The following PNPLA2 variants were observed in gnomAD, a reference collection of about 807,000 sequenced individuals.
PNPLA2 encodes the protein patatin like domain 2, triacylglycerol lipase.
In PNPLA2, 28 loss-of-function variants were observed where a neutral mutation model predicts 39.7. That is an observed-to-expected ratio of 0.70 (90% CI 0.52 to 0.97). PNPLA2 has a LOEUF of 0.97. PNPLA2 is among the 50% of genes least tolerant of loss of function. The pLI is 0.00. For missense variants in PNPLA2, 768 were observed against 698.2 expected (o/e 1.10, Z -1.13); for synonymous variants, 392 against 321.1 (o/e 1.22, Z -2.36).
Position 822,386 on chromosome 11 carries a change from TC to T in PNPLA2, c.487-8del. On this transcript the variant is annotated splice_polypyrimidine_tract_variant and intron_variant, in intron 4 of 9. Coordinates refer to ENST00000336615, the MANE Select transcript of PNPLA2 (RefSeq NM_020376.4). ...CCTCACATACGGTCCTGTCTGTGTG[TC>T]CCGTGGAAGCGCTACGTGGATGGTG... 1 of 1,612,014 alleles carries T rather than the reference TC, an allele frequency of 6.2e-7. No individual in the cohort carries two copies.
At position 819,521 on chromosome 11, in the gene PNPLA2, C is replaced by A. The variant is rs954798589; in HGVS notation, c.-145-53C>A. 2.4e-6 allele frequency: 3 copies of A among 1,261,446 alleles called. No individual in the cohort carries two copies. In the African/African-American group the frequency reaches 4.7e-5, roughly 20 times the overall value. The allele number at this position is 1,261,446 out of a possible 1,614,324, so 78.1% of individuals were successfully genotyped here. On this transcript the variant is annotated intron_variant, in intron 1 of 9. Coordinates refer to ENST00000336615, the MANE Select transcript of PNPLA2 (RefSeq NM_020376.4). ...GATTGGTCTTCGTGTGCCGGCCCCGCCCCCGCCGTGAGTCCCACACTTAAA... is the reference window on the plus strand; with the variant it reads ...GATTGGTCTTCGTGTGCCGGCCCCGACCCCGCCGTGAGTCCCACACTTAAA...
chr11:824,753 C>CGAG lies in PNPLA2; in HGVS notation c.1406_1407insGAG (p.Pro469_Ala470insSer), dbSNP rs1565091776. 1 of 1,564,634 alleles carries CGAG rather than the reference C, an allele frequency of 6.4e-7. No individual in the cohort carries two copies. Among genetic ancestry groups the CGAG allele is most frequent in the East Asian group, 2.3e-5 (1 of 42,824 alleles). On this transcript the variant is annotated inframe_insertion, in exon 10 of 10. Transcript: ENST00000336615. Reference sequence around the variant, plus strand: ...ATGCGCGCACCCGCCGACCCGGCTCCCGCCCCCGCGGACCCAGCATCCCCG... The same window carrying CGAG: ...ATGCGCGCACCCGCCGACCCGGCTCCGAGCGCCCCCGCGGACCCAGCATCCCCG...
chr11:823,641 G>A, intron 6 of PNPLA2, 53 bp from the exon 7 acceptor site: 1 of 1,600,640 alleles, frequency 6.2e-7, no homozygotes, highest in African/African-American at 1.3e-5. Flanking sequence ...GCTACCCCCT[G>A]CGGGCCGCGG....
In PNPLA2 at chr11:824,408, A is replaced by C; in HGVS notation, c.1147A>C (p.Arg383=). 6.4e-7 allele frequency: 1 copy of C among 1,554,794 alleles called. No homozygotes were observed. Among genetic ancestry groups the C allele is most frequent in the South Asian group, 1.2e-5 (1 of 84,374 alleles). Residue 383 remains arginine, a synonymous_variant, in exon 9 of 10, where the codon AGG becomes CGG. Transcript: ENST00000336615. ...CCAGTACCTGGTGATGCGCGCCAAG[A>C]GGAAGCTGGGCAGGCACCTGCCCTC... is the stretch of plus-strand genomic sequence containing the variant. ...ICQYLVMRAK[R]KLGRHLPSRL... is the part of the protein sequence containing the mutation.
At position 825,086 on chromosome 11, in the gene PNPLA2, A is replaced by T. The variant is rs1845846269; in HGVS notation, c.*224A>T. On this transcript the variant is annotated 3_prime_UTR_variant, in exon 10 of 10. Coordinates refer to ENST00000336615, the MANE Select transcript of PNPLA2 (RefSeq NM_020376.4). Reference sequence around the variant, plus strand: ...CTTCCCTCCCCTGTGCTGCCCGAGCACCTCCCCCGCCCCTTTACTCCTGAG... The same window carrying T: ...CTTCCCTCCCCTGTGCTGCCCGAGCTCCTCCCCCGCCCCTTTACTCCTGAG... 5.2e-6 allele frequency: 3 copies of T among 572,404 alleles called. No homozygotes were observed. The highest frequency in any genetic ancestry group is 3.2e-5 in the Admixed American group (1 of 31,390). The allele number at this position is 572,404 out of a possible 1,614,324, so 35.5% of individuals were successfully genotyped here. A position where few individuals can be genotyped will look rare whatever the true frequency, so the allele number is the denominator to read the frequency against.
rs528189854 is a variant in PNPLA2, at chr11:819,602, G to C, written c.-117G>C. On this transcript the variant is annotated 5_prime_UTR_variant, in exon 2 of 10. Coordinates refer to ENST00000336615, the MANE Select transcript of PNPLA2 (RefSeq NM_020376.4). ...CTTCGCCTCCGCCAGCGGGGACCCC[G>C]AGCTAGAGCCGCAGCGGGACCTGCC... 3.1e-5 allele frequency: 40 copies of C among 1,285,806 alleles called. No individual in the cohort carries two copies. Among genetic ancestry groups the C allele is most frequent in the Non-Finnish European group, 3.9e-5 (39 of 1,004,162 alleles). 79.6% of individuals were successfully genotyped at this position (1,285,806 alleles called of 1,614,324 possible). A position where few individuals can be genotyped will look rare whatever the true frequency, so the allele number is the denominator to read the frequency against.
rs1200522708 is a variant in PNPLA2, at chr11:823,840, G to A, written c.904G>A (p.Ala302Thr). ...GEDHILEHLP[A>T]RLNEALLEAC... ...AGATCACATCCTGGAGCACCTGCCCGCCCGGCTCAATGAGGGTGCGCACCT... is the reference window on the plus strand; with the variant it reads ...AGATCACATCCTGGAGCACCTGCCCACCCGGCTCAATGAGGGTGCGCACCT... The change falls in exon 7 of 10, where the codon GCC becomes ACC. Residue 302 changes from alanine to threonine, a missense_variant. Coordinates refer to ENST00000336615, the MANE Select transcript of PNPLA2 (RefSeq NM_020376.4). 3.1e-6 allele frequency: 5 copies of A among 1,588,402 alleles called. No individual in the cohort carries two copies. Among genetic ancestry groups the A allele is most frequent in the East Asian group, 4.6e-5 (2 of 43,652 alleles).
rs758705623 is a variant in PNPLA2, at chr11:823,599, C to CG, written c.757+15dup. 1.6e-5 allele frequency: 23 copies of CG among 1,439,186 alleles called. No individual in the cohort carries two copies. Among genetic ancestry groups the CG allele is most frequent in the South Asian group, 2.3e-5 (2 of 86,646 alleles). 89.2% of individuals were successfully genotyped at this position (1,439,186 alleles called of 1,614,324 possible). A position where few individuals can be genotyped will look rare whatever the true frequency, so the allele number is the denominator to read the frequency against. ...TCTGCAGCGGAACGGTGCGCGGACC[C>CG]GGGCGGGAGAGGGCGGGGTGGGCTC... On this transcript the variant is annotated intron_variant, in intron 6 of 9. Transcript: ENST00000336615.
At position 823,787 on chromosome 11, in the gene PNPLA2, C is replaced by G. The variant is rs369213107; in HGVS notation, c.851C>G (p.Ala284Gly). ...GACCAGGCAGTGGAGAGCGCCCAAG[C>G]GGAGGATTACTCGCAGCTGCCCGGA... ...DKDQAVESAQ[A>G]EDYSQLPGED... Residue 284 changes from alanine to glycine, a missense_variant, in exon 7 of 10, where the codon GCG becomes GGG. Ala to Gly is a moderately conservative substitution (Grantham distance 60). Transcript: ENST00000336615. 2.6e-5 allele frequency: 41 copies of G among 1,607,488 alleles called. No individual in the cohort carries two copies. Among genetic ancestry groups the G allele is most frequent in the African/African-American group, 5.3e-5 (4 of 74,798 alleles).
chr11:824,883 A>G lies in PNPLA2; in HGVS notation c.*21A>G, dbSNP rs1160997280. ...TGTGAGACCCCGACCCTCTCGAGGA[A>G]CCCTGCCTGAGACGCCTCCATTACC... On this transcript the variant is annotated 3_prime_UTR_variant, in exon 10 of 10. Coordinates refer to ENST00000336615, the MANE Select transcript of PNPLA2 (RefSeq NM_020376.4). 2.6e-5 allele frequency: 39 copies of G among 1,515,620 alleles called. No individual in the cohort carries two copies. The East Asian group carries it at 9.3e-4, about 36-fold the overall frequency. 93.9% of individuals were successfully genotyped at this position (1,515,620 alleles called of 1,614,324 possible).
At chr11:823,465 A>G in intron 5 of PNPLA2, 62 bp from the exon 6 acceptor site, 1 of 1,491,862 alleles carries the variant, frequency 6.7e-7, no homozygotes, top group African/African-American at 1.4e-5. Flanking sequence ...GGTGCCAGGG[A>G]TTCCAGGGGC....
chr11:819,652 C>A lies in PNPLA2; in HGVS notation c.-67C>A. 7.1e-7 allele frequency: 1 copy of A among 1,399,700 alleles called. No individual in the cohort carries two copies. Among genetic ancestry groups the A allele is most frequent in the African/African-American group, 1.5e-5 (1 of 66,384 alleles). 86.7% of individuals were successfully genotyped at this position (1,399,700 alleles called of 1,614,324 possible). On this transcript the variant is annotated 5_prime_UTR_variant, in exon 2 of 10. Coordinates refer to ENST00000336615, the MANE Select transcript of PNPLA2 (RefSeq NM_020376.4). Reference sequence around the variant, plus strand: ...CCGGCCCCCGGCTCCAGCGAGCGAGCGGCGAGCAGGCGGCTCACAGAGGCC... The same window carrying A: ...CCGGCCCCCGGCTCCAGCGAGCGAGAGGCGAGCAGGCGGCTCACAGAGGCC...
intron 6 of PNPLA2, 39 bp from the exon 7 acceptor site, chr11:823,655 C>CGCTGATGA: frequency 6.2e-7 from 1 of 1,601,804 alleles, no homozygotes; most frequent in South Asian, 1.1e-5. Context: ...GCCGCGGCCG[C>CGCTGATGA]GCTGATGAAC....
At position 824,702 on chromosome 11, in the gene PNPLA2, T is replaced by C. The variant is rs1165582658; in HGVS notation, c.1355T>C (p.Val452Ala). The change falls in exon 10 of 10, where the codon GTG (valine) becomes GCG (alanine). Residue 452 changes from valine (V) to alanine (A), a missense_variant. By Grantham distance (64) the Val-to-Ala change is moderately conservative. Transcript: ENST00000336615. ...CTGCTCGGCCTCTTCTGCACCAACG[T>C]GGCCTTCCCGCCCGAAGCTCTGCGC... ...QLLLGLFCTN[V>A]AFPPEALRMR... 6.3e-7 allele frequency: 1 copy of C among 1,593,416 alleles called. No homozygotes were observed. Among genetic ancestry groups the C allele is most frequent in the Admixed American group, 1.7e-5 (1 of 59,272 alleles).
Position 824,706 on chromosome 11 carries a change from C to T in PNPLA2, c.1359C>T (p.Ala453=), listed in dbSNP as rs1845824125. ...TCGGCCTCTTCTGCACCAACGTGGC[C>T]TTCCCGCCCGAAGCTCTGCGCATGC... ...LLLGLFCTNV[A]FPPEALRMRA... The change falls in exon 10 of 10, where the codon GCC becomes GCT. Residue 453 remains alanine, a synonymous_variant. Coordinates refer to ENST00000336615, the MANE Select transcript of PNPLA2 (RefSeq NM_020376.4). The T allele has an allele frequency of 2.5e-6, 4 of 1,592,270 alleles. No homozygotes were observed. Among genetic ancestry groups the T allele is most frequent in the Non-Finnish European group, 3.4e-6 (4 of 1,176,516 alleles).
chr11:825,169 A>C lies in PNPLA2; in HGVS notation c.*307A>C, dbSNP rs1845849902. 3 of 521,686 alleles carry C rather than the reference A, an allele frequency of 5.8e-6. No individual in the cohort carries two copies. The highest frequency in any genetic ancestry group is 1.0e-5 in the Non-Finnish European group (3 of 293,312). The allele number at this position is 521,686 out of a possible 1,614,324, so 32.3% of individuals were successfully genotyped here. On this transcript the variant is annotated 3_prime_UTR_variant, in exon 10 of 10. Coordinates refer to ENST00000336615, the MANE Select transcript of PNPLA2 (RefSeq NM_020376.4). ...CATGGCCTGCTGAAATATGTGTGTG[A>C]AGAATTATTTATTTTCGCCAAAGCA...
rs372473171 is a variant in PNPLA2 at position 820,654 on chromosome 11, G to A, written c.187+749G>A. On this transcript the variant is annotated intron_variant, in intron 2 of 9. Coordinates refer to ENST00000336615, the MANE Select transcript of PNPLA2 (RefSeq NM_020376.4). ...GCCTGTGAGGACACCCAAGATGACA[G>A]GGGCACTCTGCTCAGCAGGAGCCTG... is the stretch of plus-strand genomic sequence containing the variant. 2.6e-5 allele frequency among the ~76,000 whole-genome samples: 4 copies of A among 152,310 alleles called. No homozygotes were observed. The East Asian group carries it at 5.8e-4, about 22-fold the overall frequency.
chr11:823,820 A>C lies in PNPLA2; in HGVS notation c.884A>C (p.His295Pro). 6.3e-7 allele frequency: 1 copy of C among 1,599,052 alleles called. No homozygotes were observed. Among genetic ancestry groups the C allele is most frequent in the Non-Finnish European group, 8.5e-7 (1 of 1,173,770 alleles). The change falls in exon 7 of 10, where the codon CAC becomes CCC. Residue 295 changes from histidine to proline, a missense_variant. Coordinates refer to ENST00000336615, the MANE Select transcript of PNPLA2 (RefSeq NM_020376.4). ...TACTCGCAGCTGCCCGGAGAAGATC[A>C]CATCCTGGAGCACCTGCCCGCCCGG... ...EDYSQLPGED[H>P]ILEHLPARLN...
Position 823,998 on chromosome 11 carries a change from C to T in PNPLA2, c.920C>T (p.Ala307Val), listed in dbSNP as rs1297309630. Reference protein sequence around the residue: ...LEHLPARLNEALLEACVEPTD... With the variant: ...LEHLPARLNEVLLEACVEPTD... ...CCGCCGACCTCCCGCCCACCCGCAGCCCTGCTGGAGGCCTGCGTGGAGCCC... is the reference window on the plus strand; with the variant it reads ...CCGCCGACCTCCCGCCCACCCGCAGTCCTGCTGGAGGCCTGCGTGGAGCCC... The change falls in exon 8 of 10, where the codon GCC becomes GTC. Residue 307 changes from alanine (A) to valine (V), a missense_variant and splice_region_variant. Ala to Val is a moderately conservative substitution (Grantham distance 64). Transcript: ENST00000336615. The T allele has an allele frequency of 6.2e-7, 1 of 1,605,538 alleles. No individual in the cohort carries two copies. Among genetic ancestry groups the T allele is most frequent in the Non-Finnish European group, 8.5e-7 (1 of 1,177,742 alleles).
Sources: gnomAD v4.1 joint callset for allele counts (sites outside exome capture counted in the v4.1 genomes callset) on GRCh38, gnomAD v4.1.1 for gene constraint, MANE v1.5 for transcripts, NCBI Gene and HGNC (gene_info 2026-07-23, HGNC 2026-07-21) for gene names.